Variants in MTFR1 observed in about 807,000 individuals in gnomAD.
The protein encoded by MTFR1 is mitochondrial fission regulator 1.
A neutral mutation model predicts 38.8 loss-of-function variants in MTFR1; 28 were observed. The ratio of observed to expected loss-of-function variants is 0.72; its 90% CI spans 0.53 to 0.99. The LOEUF (loss-of-function observed/expected upper bound fraction) is 0.99. Ranked by LOEUF, MTFR1 falls within the 50% of genes least tolerant of loss-of-function variation. The pLI is 0.00. For missense variants in MTFR1, 358 were observed against 395.5 expected, an observed-to-expected ratio of 0.91 and a Z score of 0.81; for synonymous variants, 145 against 137.0, an observed-to-expected ratio of 1.06 and a Z score of -0.41.
intron 3 of MTFR1, among the ~76,000 whole-genome samples, chr8:65,760,578 C>T (rs1808439772): frequency 6.6e-6 from 1 of 152,132 alleles, no homozygotes; most frequent in South Asian, 2.1e-4. Flanking sequence ...CCTAGAATTG[C>T]TTCCAAAATA....
intron 4 of MTFR1, among the ~76,000 whole-genome samples, chr8:65,694,712 A>G (rs1316013960): frequency 6.6e-6 from 1 of 152,258 alleles, no homozygotes; most frequent in Non-Finnish European, 1.5e-5. Context: ...TTGATACTGT[A>G]AAGTCTACAA....
chr8:65,724,598 C>T (rs1444548691), intron 3 of MTFR1, among the ~76,000 whole-genome samples: 2 of 152,048 alleles, frequency 1.3e-5, no homozygotes, highest in Non-Finnish European at 2.9e-5. Flanking sequence ...TGATGCCTTC[C>T]TAGGTAGCAG....
intron 3 of MTFR1, chr8:65,726,770 C>A (rs188212826): frequency 8.2e-6 from 5 of 611,934 alleles, no homozygotes; most frequent in Non-Finnish European, 1.2e-5. Flanking sequence ...ACACTGAAAA[C>A]TGTGGAACAC....
At chr8:65,776,230 C>T (rs1809255546), downstream of MTFR1, among the ~76,000 whole-genome samples, 1 of 152,092 alleles carries the variant, frequency 6.6e-6, no homozygotes, top group South Asian at 2.1e-4. Context: ...TATCTTCTAC[C>T]TACTTCATTA....
intron 1 of MTFR1, among the ~76,000 whole-genome samples, chr8:65,657,533 T>C (rs986493390): frequency 1.2e-4 from 18 of 151,668 alleles, no homozygotes; most frequent in Non-Finnish European, 2.4e-4. Flanking sequence ...TGAGACCCCG[T>C]CTCTAAAAAA....
At chr8:65,675,249 C>T (rs1313992178) in intron 2 of MTFR1, among the ~76,000 whole-genome samples, 2 of 151,774 alleles carry the variant, frequency 1.3e-5, no homozygotes, top group African/African-American at 2.4e-5. Context: ...GCCGAGATCA[C>T]GCCACTGCAC....
chr8:65,712,447 AAT>A (rs1250383209), downstream of MTFR1, among the ~76,000 whole-genome samples: 3 of 152,310 alleles, frequency 2.0e-5, no homozygotes, highest in East Asian at 5.8e-4. Flanking sequence ...CTCTAGAGTG[AAT>A]CAGTGCCAGG....
At chr8:65,740,556 A>G (rs1056582490) in intron 3 of MTFR1, among the ~76,000 whole-genome samples, 2 of 152,078 alleles carry the variant, frequency 1.3e-5, no homozygotes, top group African/African-American at 4.8e-5. Flanking sequence ...ACCCGCCACC[A>G]AGCCCGGCTA....
intron 1 of MTFR1, among the ~76,000 whole-genome samples, chr8:65,650,064 C>G (rs1312742631): frequency 6.6e-6 from 1 of 151,682 alleles, no homozygotes; most frequent in Non-Finnish European, 1.5e-5. Flanking sequence ...GTCTCGAACT[C>G]CCGACCTCAG....
intron 3 of MTFR1, chr8:65,689,554 C>G: frequency 8.0e-7 from 1 of 1,243,674 alleles, no homozygotes; most frequent in South Asian, 1.4e-5. Flanking sequence ...TTTCTTTTTC[C>G]ACTAATAATA....
Position 65,695,495 on chromosome 8 carries a change from T to G in MTFR1, c.281+1736T>G, listed in dbSNP as rs116974855. On this transcript the variant is annotated intron_variant, in intron 4 of 7. Transcript: ENST00000262146. The stretch of plus-strand genomic sequence containing the variant: ...CCTCAGCCTTCCGAGTAGCTGGGAT[T>G]CCAGGTGGCTGCCATGATGCCCAGC... 1.8e-4 allele frequency among the ~76,000 whole-genome samples: 27 copies of G among 152,270 alleles called. No homozygotes were observed. The East Asian group carries it at 5.2e-3, about 29-fold the overall frequency.
the MTFR1 span, among the ~76,000 whole-genome samples, chr8:65,777,438 T>C: frequency 1.3e-5 from 2 of 152,194 alleles, no homozygotes; most frequent in African/African-American, 4.8e-5. Context: ...ACCAATCTTA[T>C]ATTCCTGGAA....
intron 3 of MTFR1, among the ~76,000 whole-genome samples, chr8:65,738,114 C>T (rs1585848356): frequency 6.6e-6 from 1 of 152,102 alleles, no homozygotes; most frequent in Non-Finnish European, 1.5e-5. Context: ...GCTATGTTTA[C>T]ACTATAGTCT....
chr8:65,709,177 G>A lies in MTFR1; in HGVS notation c.*133G>A. On this transcript the variant is annotated 3_prime_UTR_variant, in exon 8 of 8. Transcript: ENST00000262146. Reference sequence around the variant, plus strand: ...GGTCTTCTTTTCAGGCTAATTAGTGGATTAAGCAATAATGAAAGCACTAAG... The same window carrying A: ...GGTCTTCTTTTCAGGCTAATTAGTGAATTAAGCAATAATGAAAGCACTAAG... 1.2e-6 allele frequency: 1 copy of A among 803,256 alleles called. No individual in the cohort carries two copies. The highest frequency in any genetic ancestry group is 2.1e-6 in the Non-Finnish European group (1 of 486,358). 49.8% of individuals were successfully genotyped at this position (803,256 alleles called of 1,614,324 possible).
At chr8:65,735,793 T>G (rs1807105490) in intron 3 of MTFR1, among the ~76,000 whole-genome samples, 1 of 152,096 alleles carries the variant, frequency 6.6e-6, no homozygotes, top group Non-Finnish European at 1.5e-5. Flanking sequence ...GCTCGGCTAA[T>G]TTTTGTATTT....
At chr8:65,736,662 G>A (rs1807140601) in intron 3 of MTFR1, among the ~76,000 whole-genome samples, 1 of 151,810 alleles carries the variant, frequency 6.6e-6, no homozygotes, top group Non-Finnish European at 1.5e-5. Context: ...GAGGTGGGAG[G>A]ATCGCATGAG....
chr8:65,748,206 A>G (rs1277175293), intron 3 of MTFR1, among the ~76,000 whole-genome samples: 2 of 152,170 alleles, frequency 1.3e-5, no homozygotes, highest in African/African-American at 4.8e-5. Context: ...ACTACTAGAA[A>G]AGCCAGGTCC....
intron 3 of MTFR1, among the ~76,000 whole-genome samples, chr8:65,726,314 C>A (rs1563471331): frequency 6.6e-6 from 1 of 151,504 alleles, no homozygotes; most frequent in Non-Finnish European, 1.5e-5. Flanking sequence ...TTATTAGGTT[C>A]TAAAATAGCC....
chr8:65,704,255 T>C (rs1805712294), intron 4 of MTFR1, among the ~76,000 whole-genome samples: 1 of 152,190 alleles, frequency 6.6e-6, no homozygotes, highest in African/African-American at 2.4e-5. Flanking sequence ...TAAAGAGTAA[T>C]TTGTCCTTTA....
Sources: gnomAD v4.1 joint callset for allele counts (sites outside exome capture counted in the v4.1 genomes callset) on GRCh38, gnomAD v4.1.1 for gene constraint, MANE v1.5 for transcripts, NCBI Gene and HGNC (gene_info 2026-07-23, HGNC 2026-07-21) for gene names.